Variants in DPY19L4 observed in about 807,000 individuals in gnomAD.
The protein encoded by DPY19L4 is probable C-mannosyltransferase DPY19L4.
A neutral mutation model predicts 102.8 loss-of-function variants in DPY19L4; 97 were observed. The ratio of observed to expected loss-of-function variants is 0.94; its 90% CI spans 0.80 to 1.12. DPY19L4 has a LOEUF of 1.12. Among genes scored for constraint, DPY19L4 ranks in the 50% most tolerant of loss-of-function variants. DPY19L4 has a pLI of 0.00. For missense variants in DPY19L4, 815 were observed against 850.4 expected (o/e 0.96, Z 0.52); for synonymous variants, 252 against 283.1 (o/e 0.89, Z 1.10).
intron 12 of DPY19L4, among the ~76,000 whole-genome samples, chr8:94,769,620 C>G (rs764688795): frequency 1.3e-5 from 2 of 151,462 alleles, no homozygotes; most frequent in African/African-American, 2.4e-5. Context: ...GAGAGGCTGA[C>G]GCAGGAGGAT....
chr8:94,793,092 ATTTAC>A lies in DPY19L4; in HGVS notation c.*3186_*3190del, dbSNP rs1813928905. On this transcript the variant is annotated 3_prime_UTR_variant, in exon 19 of 19. Transcript: ENST00000414645. The stretch of plus-strand genomic sequence containing the variant: ...TACTTCAGTGCTAACTTTTTTCTTC[ATTTAC>A]TTTCTGTGTATATAGGCAGCATATT... 3 of 152,064 alleles carry A rather than the reference ATTTAC, an allele frequency of 2.0e-5. No individual in the cohort carries two copies. The highest frequency in any genetic ancestry group is 7.2e-5 in the African/African-American group (3 of 41,400). The allele number at this position is 152,064 out of a possible 1,614,324, so 9.4% of individuals were successfully genotyped here. A position where few individuals can be genotyped will look rare whatever the true frequency, so the allele number is the denominator to read the frequency against.
At chr8:94,735,681 G>C (rs2130808639) in intron 3 of DPY19L4, among the ~76,000 whole-genome samples, 1 of 152,276 alleles carries the variant, frequency 6.6e-6, no homozygotes, top group East Asian at 1.9e-4. Context: ...AAAATTAGAA[G>C]GCCTTCATTA....
chr8:94,770,885 G>A (rs1391045272), intron 13 of DPY19L4, among the ~76,000 whole-genome samples: 2 of 148,004 alleles, frequency 1.4e-5, no homozygotes, highest in Admixed American at 1.3e-4. Context: ...ACAAGACCCC[G>A]TCAAAAAAAA....
chr8:94,728,837 A>C (rs952605610), intron 2 of DPY19L4, among the ~76,000 whole-genome samples: 4 of 152,178 alleles, frequency 2.6e-5, no homozygotes, highest in African/African-American at 9.7e-5. Context: ...AGTGGGAATA[A>C]AGAAGAAAAT....
intron 18 of DPY19L4, among the ~76,000 whole-genome samples, chr8:94,789,295 C>T (rs1342475117): frequency 1.3e-5 from 2 of 152,146 alleles, no homozygotes; most frequent in Non-Finnish European, 2.9e-5. Flanking sequence ...GCTAACTAAG[C>T]TATCTTAGTG....
chr8:94,768,500 A>C lies in DPY19L4; in HGVS notation c.1281A>C (p.Leu427=). ...TQSSLLPFYI[L]VLIICFLSML... ...CTTCTTTATTACCTTTCTACATTCT[A>C]GTGTTAATTATTTGTTTTCTTTCTA... Residue 427 remains leucine (L), a synonymous_variant, in exon 12 of 19, where the codon CTA becomes CTC. Transcript: ENST00000414645. 1 of 1,581,386 alleles carries C rather than the reference A, an allele frequency of 6.3e-7. No individual in the cohort carries two copies. The highest frequency in any genetic ancestry group is 1.4e-5 in the African/African-American group (1 of 73,666).
At chr8:94,726,235 G>T (rs1471339280) in intron 1 of DPY19L4, 96 bp from the exon 2 acceptor site, 3 of 903,938 alleles carry the variant, frequency 3.3e-6, no homozygotes, top group Admixed American at 3.2e-5. Context: ...GGTCTTAGTG[G>T]TACTTTTGCT....
chr8:94,754,087 G>A (rs1444308256), intron 6 of DPY19L4, among the ~76,000 whole-genome samples: 4 of 152,086 alleles, frequency 2.6e-5, no homozygotes, highest in East Asian at 1.9e-4. Flanking sequence ...GGGATACTGA[G>A]GTGGGAGGAT....
At chr8:94,786,212 C>T (rs1043473352) in intron 17 of DPY19L4, among the ~76,000 whole-genome samples, 5 of 152,010 alleles carry the variant, frequency 3.3e-5, no homozygotes, top group Admixed American at 2.0e-4. Context: ...CTGCAGCCTC[C>T]GCCTCCCAGG....
At chr8:94,731,177 T>A (rs1048092042) in intron 2 of DPY19L4, among the ~76,000 whole-genome samples, 1 of 152,170 alleles carries the variant, frequency 6.6e-6, no homozygotes, top group Non-Finnish European at 1.5e-5. Flanking sequence ...TAAGCCTTAA[T>A]GAAAAAAACA....
chr8:94,770,619 T>C, intron 13 of DPY19L4, 48 bp downstream of exon 13: 1 of 1,605,858 alleles, frequency 6.2e-7, no homozygotes, highest in Non-Finnish European at 8.5e-7. Flanking sequence ...GATTGTTGGC[T>C]GAGTGCGGTG....
chr8:94,786,464 A>AT (rs1356438410), intron 17 of DPY19L4, among the ~76,000 whole-genome samples: 1 of 151,440 alleles, frequency 6.6e-6, no homozygotes, highest in African/African-American at 2.4e-5. Context: ...TAATTAATTT[A>AT]TTTTTTTGAG....
intron 3 of DPY19L4, among the ~76,000 whole-genome samples, chr8:94,737,906 A>C (rs959052261): frequency 6.6e-6 from 1 of 152,190 alleles, no homozygotes; most frequent in African/African-American, 2.4e-5. Context: ...ATGTGCCTGT[A>C]GTCCTAGCTA....
chr8:94,769,548 A>G (rs530668413), intron 12 of DPY19L4, among the ~76,000 whole-genome samples: 1 of 152,290 alleles, frequency 6.6e-6, no homozygotes, highest in East Asian at 1.9e-4. Flanking sequence ...CAGTATAAGT[A>G]ATTTTAAATT....
At chr8:94,777,359 TC>T (rs1479458098) in intron 13 of DPY19L4, among the ~76,000 whole-genome samples, 1 of 152,116 alleles carries the variant, frequency 6.6e-6, no homozygotes, top group African/African-American at 2.4e-5. Flanking sequence ...AAGCCACCAC[TC>T]CCAGTCCACC....
At position 94,739,458 on chromosome 8, in the gene DPY19L4, C is replaced by A. The variant is rs1811337768; in HGVS notation, c.389C>A (p.Thr130Asn). 2 of 1,605,858 alleles carry A rather than the reference C, an allele frequency of 1.2e-6. No homozygotes were observed. The highest frequency in any genetic ancestry group is 1.7e-6 in the Non-Finnish European group (2 of 1,177,958). The change falls in exon 5 of 19, where the codon ACT (threonine) becomes AAT (asparagine). Residue 130 changes from threonine to asparagine, a missense_variant. Physicochemically the swap from Thr to Asn is moderately conservative, Grantham distance 65. Transcript: ENST00000414645. ...THNNKTVSLK[T>N]INAVQQMSLY... ...AATAACAAAACTGTATCTCTGAAGA[C>A]TATAAATGCAGTGCAGCAAATGTCT...
chr8:94,789,134 AC>A lies in DPY19L4; in HGVS notation c.2008-611del, dbSNP rs896238306. ...GCCTTTCTATTCTGCTCTGATACCC[AC>A]TTTTCTGCTGTTTTGAAGATCAGCT... On this transcript the variant is annotated intron_variant, in intron 18 of 18. Transcript: ENST00000414645. Among the ~76,000 whole-genome samples, 21 of 152,170 alleles carry A rather than the reference AC, an allele frequency of 1.4e-4. 1 individual carries two copies. The highest frequency in any genetic ancestry group is 5.1e-4 in the African/African-American group (21 of 41,536).
chr8:94,743,952 A>C (rs1811556993), intron 6 of DPY19L4, among the ~76,000 whole-genome samples: 1 of 151,182 alleles, frequency 6.6e-6, no homozygotes, highest in Non-Finnish European at 1.5e-5. Context: ...GCTGCATTGA[A>C]CTGAGATCAT....
At chr8:94,739,371 A>T in intron 4 of DPY19L4, 42 bp from the exon 5 acceptor site, 1 of 1,513,628 alleles carries the variant, frequency 6.6e-7, no homozygotes, top group Non-Finnish European at 8.8e-7. Context: ...AATTACTGTG[A>T]AGCAGAATAA....
Sources: allele counts gnomAD v4.1 joint callset (sites outside exome capture counted in the v4.1 genomes callset), GRCh38; gene constraint gnomAD v4.1.1; transcripts MANE v1.5; gene names NCBI Gene and HGNC (gene_info 2026-07-23, HGNC 2026-07-21).